The following EXOC4 variants were observed in gnomAD, a reference collection of about 807,000 sequenced individuals.
EXOC4 encodes SEC8-like 1.
A neutral mutation model predicts 107.2 loss-of-function variants in EXOC4; 71 were observed. The observed-to-expected ratio is 0.66, with a 90% CI of 0.55 to 0.81. The LOEUF is 0.81. EXOC4 is among the 30% of genes least tolerant of loss of function. The pLI is 0.00. For synonymous variants in EXOC4, 456 were observed against 441.2 expected (o/e 1.03, Z -0.42); for missense variants, 1,108 against 1,189.6 (o/e 0.93, Z 1.01).
chr7:133,309,468 C>G (rs547642974), intron 4 of EXOC4, among the ~76,000 whole-genome samples: 3 of 151,928 alleles, frequency 2.0e-5, no homozygotes, highest in African/African-American at 7.3e-5. Context: ...ATTCTTTTTC[C>G]GAGCAAAATT....
intron 7 of EXOC4, among the ~76,000 whole-genome samples, chr7:133,391,206 A>G (rs1331273617): frequency 6.6e-6 from 1 of 152,230 alleles, no homozygotes; most frequent in African/African-American, 2.4e-5. Context: ...GAACACCACC[A>G]CTGTCAACAA....
At chr7:133,615,081 C>G (rs1319973251) in intron 9 of EXOC4, among the ~76,000 whole-genome samples, 2 of 152,096 alleles carry the variant, frequency 1.3e-5, no homozygotes, top group Non-Finnish European at 2.9e-5. Flanking sequence ...GTCACTGAAA[C>G]TAAAGCAAAC....
intron 5 of EXOC4, among the ~76,000 whole-genome samples, chr7:133,331,319 G>C (rs779545928): frequency 6.6e-6 from 1 of 152,026 alleles, no homozygotes; most frequent in African/African-American, 2.4e-5. Flanking sequence ...AATATGTAAA[G>C]AATCTCTATA....
intron 7 of EXOC4, among the ~76,000 whole-genome samples, chr7:133,402,813 G>C (rs1000586365): frequency 2.7e-5 from 4 of 148,404 alleles, no homozygotes; most frequent in African/African-American, 9.9e-5. Flanking sequence ...GGAGAATTTG[G>C]ATTTCTAAAA....
chr7:133,699,267 A>C (rs1156504380), intron 10 of EXOC4, among the ~76,000 whole-genome samples: 3 of 151,988 alleles, frequency 2.0e-5, no homozygotes, highest in Admixed American at 1.3e-4. Context: ...TCCGCCTGAC[A>C]CTTTCCTAGA....
chr7:133,834,955 G>T (rs1324906099), intron 11 of EXOC4, among the ~76,000 whole-genome samples: 3 of 152,052 alleles, frequency 2.0e-5, no homozygotes, highest in African/African-American at 7.2e-5. Flanking sequence ...GAGATCTGAT[G>T]GTTTTAGAAA....
intron 9 of EXOC4, among the ~76,000 whole-genome samples, chr7:133,610,648 C>A (rs1802055485): frequency 6.6e-6 from 1 of 152,016 alleles, no homozygotes; most frequent in Non-Finnish European, 1.5e-5. Flanking sequence ...GAATAGAGCT[C>A]TAAATCTTAA....
intron 13 of EXOC4, among the ~76,000 whole-genome samples, chr7:133,921,744 A>G (rs560509072): frequency 5.3e-5 from 8 of 152,234 alleles, no homozygotes; most frequent in Admixed American, 2.0e-4. Flanking sequence ...GATTTGGAGT[A>G]ATTTTCAGTT....
chr7:133,995,562 G>T (rs528731276), intron 14 of EXOC4, among the ~76,000 whole-genome samples: 1 of 152,154 alleles, frequency 6.6e-6, no homozygotes, highest in Non-Finnish European at 1.5e-5. Flanking sequence ...TAATGCTAAC[G>T]TTAGAGAGGA....
intron 14 of EXOC4, among the ~76,000 whole-genome samples, chr7:133,959,331 C>G (rs914330297): frequency 6.6e-6 from 1 of 151,500 alleles, no homozygotes; most frequent in African/African-American, 2.4e-5. Flanking sequence ...ATTCATGAAA[C>G]AAGAGTAGTA....
intron 10 of EXOC4, among the ~76,000 whole-genome samples, chr7:133,757,048 T>C (rs1795933346): frequency 1.3e-5 from 2 of 152,232 alleles, no homozygotes; most frequent in African/African-American, 4.8e-5. Context: ...TGTATATTAT[T>C]AGAAAATCTA....
At chr7:133,956,755 G>A (rs949202644) in intron 14 of EXOC4, among the ~76,000 whole-genome samples, 4 of 152,184 alleles carry the variant, frequency 2.6e-5, no homozygotes, top group Non-Finnish European at 5.9e-5. Context: ...ATCAGTCAGT[G>A]TAAGCTATAA....
chr7:133,367,998 C>T (rs1304195295), intron 6 of EXOC4, among the ~76,000 whole-genome samples: 1 of 152,178 alleles, frequency 6.6e-6, no homozygotes, highest in Non-Finnish European at 1.5e-5. Flanking sequence ...CATCTTTCAT[C>T]CCAGACTTCT....
chr7:133,637,603 A>G (rs1802744427), intron 10 of EXOC4, among the ~76,000 whole-genome samples: 1 of 152,172 alleles, frequency 6.6e-6, no homozygotes, highest in Admixed American at 6.6e-5. Context: ...TTTTTATGAA[A>G]CACAGCCATT....
chr7:133,386,392 T>G (rs1055793156), intron 7 of EXOC4, among the ~76,000 whole-genome samples: 3 of 152,194 alleles, frequency 2.0e-5, no homozygotes, highest in African/African-American at 7.2e-5. Context: ...AGGTGTTGCT[T>G]TCTCTTGTAT....
chr7:133,631,695 AT>A (rs1216549245), intron 10 of EXOC4, among the ~76,000 whole-genome samples: 1 of 152,108 alleles, frequency 6.6e-6, no homozygotes, highest in African/African-American at 2.4e-5. Flanking sequence ...GGTTTAGTTG[AT>A]AAGTACTATA....
At chr7:133,271,958 G>A (rs1793881393) in intron 1 of EXOC4, among the ~76,000 whole-genome samples, 1 of 151,962 alleles carries the variant, frequency 6.6e-6, no homozygotes, top group African/African-American at 2.4e-5. Flanking sequence ...ATTTGGGGGC[G>A]GTGGGATTTT....
intron 7 of EXOC4, among the ~76,000 whole-genome samples, chr7:133,425,275 C>T (rs1195296040): frequency 6.6e-6 from 1 of 152,170 alleles, no homozygotes; most frequent in Non-Finnish European, 1.5e-5. Context: ...ACTTCCTCCT[C>T]AGCCAAGACA....
At chr7:134,008,793 T>A (rs532725534) in intron 17 of EXOC4, among the ~76,000 whole-genome samples, 268 of 72,722 alleles carry the variant, frequency 3.7e-3, no homozygotes, top group African/African-American at 0.021. Flanking sequence ...CATGCCTGGC[T>A]AATTTTTATA....
Sources: allele counts gnomAD v4.1 joint callset (sites outside exome capture counted in the v4.1 genomes callset), GRCh38; gene constraint gnomAD v4.1.1; transcripts MANE v1.5; gene names NCBI Gene and HGNC (gene_info 2026-07-23, HGNC 2026-07-21).